Variants in PDE4D observed in about 807,000 individuals in gnomAD.
PDE4D encodes the protein 3',5'-cyclic-AMP phosphodiesterase 4D.
In PDE4D, 24 loss-of-function variants were observed where a neutral mutation model predicts 87.4. That is an observed-to-expected ratio of 0.27 (90% confidence interval 0.20 to 0.39). PDE4D has a LOEUF of 0.39. Ranked by LOEUF, PDE4D falls within the 10% of genes least tolerant of loss-of-function variation. The pLI is 1.00. For synonymous variants in PDE4D, 384 were observed against 383.2 expected (o/e 1.00, Z -0.02); for missense variants, 714 against 1,041.0 (o/e 0.69, Z 4.32).
At chr5:59,277,149 A>G (rs1374156465) in intron 1 of PDE4D, among the ~76,000 whole-genome samples, 1 of 152,124 alleles carries the variant, frequency 6.6e-6, no homozygotes, top group Non-Finnish European at 1.5e-5. Flanking sequence ...ACCCACCCAA[A>G]CAACTTGGAA....
intron 1 of PDE4D, among the ~76,000 whole-genome samples, chr5:59,295,733 A>C (rs538804947): frequency 3.9e-5 from 6 of 152,220 alleles, no homozygotes; most frequent in African/African-American, 1.4e-4. Flanking sequence ...TGATCTGTTA[A>C]AATGGCGGCT....
intron 1 of PDE4D, among the ~76,000 whole-genome samples, chr5:59,839,039 T>C (rs1419109903): frequency 6.6e-6 from 1 of 151,894 alleles, no homozygotes; most frequent in African/African-American, 2.4e-5. Flanking sequence ...TGGTACCATA[T>C]TGGGGAGGAG....
chr5:59,287,263 C>A (rs1361983990), intron 1 of PDE4D, among the ~76,000 whole-genome samples: 2 of 152,134 alleles, frequency 1.3e-5, no homozygotes, highest in Admixed American at 6.5e-5. Flanking sequence ...TGAACATCAG[C>A]AGTAGCCAGA....
At chr5:59,604,463 C>T (rs1228241188) in intron 1 of PDE4D, among the ~76,000 whole-genome samples, 1 of 151,972 alleles carries the variant, frequency 6.6e-6, no homozygotes, top group Non-Finnish European at 1.5e-5. Context: ...GGATGAATAA[C>T]ATAAGCTTCT....
intron 2 of PDE4D, among the ~76,000 whole-genome samples, chr5:60,025,350 C>T (rs1766515199): frequency 6.6e-6 from 1 of 152,162 alleles, no homozygotes; most frequent in South Asian, 2.1e-4. Flanking sequence ...CCCCCGACTA[C>T]TCCAGCAACT....
At chr5:59,131,951 C>T (rs919783882) in intron 5 of PDE4D, among the ~76,000 whole-genome samples, 19 of 152,128 alleles carry the variant, frequency 1.2e-4, no homozygotes, top group African/African-American at 3.6e-4. Context: ...AGTTTCTAGT[C>T]GCGTATGGCT....
At chr5:59,869,136 T>C (rs980348954) in intron 1 of PDE4D, among the ~76,000 whole-genome samples, 2 of 152,120 alleles carry the variant, frequency 1.3e-5, no homozygotes, top group East Asian at 1.9e-4. Flanking sequence ...ATCTGGCTAA[T>C]AGACATTAAT....
chr5:59,034,310 T>A (rs1414900354), intron 6 of PDE4D, among the ~76,000 whole-genome samples: 2 of 152,338 alleles, frequency 1.3e-5, no homozygotes, highest in Non-Finnish European at 2.9e-5. Flanking sequence ...AACACTTTTT[T>A]AATCTAAGAT....
chr5:59,047,830 ATTATAAGAAGAGGCCAGAGGTTGCTCTCT>A (rs1204666590), intron 5 of PDE4D, among the ~76,000 whole-genome samples: 1 of 152,208 alleles, frequency 6.6e-6, no homozygotes, highest in African/African-American at 2.4e-5. Flanking sequence ...GATTCGTGCC[ATTATAAGAAGAGGCCAGAGGTTGCTCTCT>A]TTCTACCATG....
chr5:60,476,566 G>A (rs1031808967), intron 1 of PDE4D, among the ~76,000 whole-genome samples: 1 of 152,158 alleles, frequency 6.6e-6, no homozygotes, highest in Non-Finnish European at 1.5e-5. Flanking sequence ...AGAATGTAAC[G>A]AGCTTACTGT....
chr5:59,049,873 A>G (rs564425022), intron 5 of PDE4D, among the ~76,000 whole-genome samples: 1 of 152,236 alleles, frequency 6.6e-6, no homozygotes, highest in East Asian at 1.9e-4. Flanking sequence ...TTTCTCATAA[A>G]TCTCTGTTTA....
chr5:60,226,976 C>A (rs747505864), intron 1 of PDE4D, among the ~76,000 whole-genome samples: 6 of 152,070 alleles, frequency 3.9e-5, no homozygotes, highest in Non-Finnish European at 7.4e-5. Context: ...CTGTCATCTT[C>A]AGTCTATATT....
chr5:59,532,191 G>A (rs771058814), intron 1 of PDE4D, among the ~76,000 whole-genome samples: 2 of 152,080 alleles, frequency 1.3e-5, no homozygotes, highest in Non-Finnish European at 2.9e-5. Context: ...CTAGAGTGCC[G>A]TGGCGTTATC....
chr5:59,230,397 G>C (rs750413469), intron 1 of PDE4D, among the ~76,000 whole-genome samples: 1 of 152,064 alleles, frequency 6.6e-6, no homozygotes, highest in Non-Finnish European at 1.5e-5. Context: ...TTTTCTTTTT[G>C]AGGGATGGGT....
intron 1 of PDE4D, among the ~76,000 whole-genome samples, chr5:59,790,161 G>A (rs1765627964): frequency 6.6e-6 from 1 of 152,162 alleles, no homozygotes; most frequent in South Asian, 2.1e-4. Context: ...GTGACATGTA[G>A]AGCCCAGGTT....
At chr5:59,299,721 C>T (rs78735959) in intron 1 of PDE4D, among the ~76,000 whole-genome samples, 1,682 of 152,282 alleles carry the variant, frequency 0.011, 23 homozygotes, top group African/African-American at 0.038. Context: ...TCTCCATATA[C>T]TTGCTCTTCT....
intron 2 of PDE4D, among the ~76,000 whole-genome samples, chr5:60,038,464 G>C (rs1768071507): frequency 1.3e-5 from 2 of 151,996 alleles, no homozygotes; most frequent in Non-Finnish European, 2.9e-5. Context: ...TGAGGGCTCT[G>C]TTCTGTTCCA....
At position 59,666,914 on chromosome 5, in the gene PDE4D, T is replaced by C. The variant is rs1746163092; in HGVS notation, c.455+226254A>G. Among the ~76,000 whole-genome samples, 6 of 152,304 alleles carry C rather than the reference T, an allele frequency of 3.9e-5. No individual in the cohort carries two copies. In the South Asian group the frequency reaches 1.2e-3, roughly 32 times the overall value. On this transcript the variant is annotated intron_variant, in intron 1 of 14. Coordinates refer to ENST00000340635, the MANE Select transcript of PDE4D (RefSeq NM_001104631.2). Reference sequence around the variant, plus strand: ...ATAGTCCAGCTCTTTTTTCACATGATGGACTGCAGCACCCTCTTTCTGATT... The same window carrying C: ...ATAGTCCAGCTCTTTTTTCACATGACGGACTGCAGCACCCTCTTTCTGATT...
At chr5:59,989,609 G>C (rs1182274331) in intron 2 of PDE4D, among the ~76,000 whole-genome samples, 1 of 152,122 alleles carries the variant, frequency 6.6e-6, no homozygotes, top group African/African-American at 2.4e-5. Context: ...CAGTAGAACT[G>C]TATTTAAGTC....
Sources: allele counts gnomAD v4.1 joint callset (sites outside exome capture counted in the v4.1 genomes callset), GRCh38; gene constraint gnomAD v4.1.1; transcripts MANE v1.5; gene names NCBI Gene and HGNC (gene_info 2026-07-23, HGNC 2026-07-21).